Variants in COL25A1 observed in about 807,000 individuals in gnomAD.
The protein encoded by COL25A1 is collagen alpha-1(XXV) chain.
A neutral mutation model predicts 128.4 loss-of-function variants in COL25A1; 103 were observed. The ratio of observed to expected loss-of-function variants is 0.80; its 90% CI spans 0.68 to 0.94. The LOEUF is 0.94. Among genes scored for constraint, COL25A1 ranks in the 40% least tolerant of loss-of-function variants. COL25A1 has a pLI of 0.00. For missense variants in COL25A1, 745 were observed against 840.0 expected, an observed-to-expected ratio of 0.89 and a Z score of 1.40; for synonymous variants, 279 against 277.2, an observed-to-expected ratio of 1.01 and a Z score of -0.06.
At chr4:108,897,073 C>A (rs1742231113) in intron 15 of COL25A1, among the ~76,000 whole-genome samples, 1 of 152,144 alleles carries the variant, frequency 6.6e-6, no homozygotes, top group African/African-American at 2.4e-5. Context: ...CTTACCAATT[C>A]TGAGGCCTTC....
intron 3 of COL25A1, among the ~76,000 whole-genome samples, chr4:109,075,634 GA>G (rs1206103988): frequency 6.6e-6 from 1 of 151,816 alleles, no homozygotes; most frequent in Admixed American, 6.6e-5. Context: ...TATTAACATT[GA>G]AAAAATGTAG....
intron 35 of COL25A1, chr4:108,819,944 A>C (rs748258109): frequency 7.9e-5 from 72 of 915,592 alleles, no homozygotes; most frequent in Non-Finnish European, 1.0e-4. Context: ...TATTTGGGGG[A>C]AAATAACGGT....
intron 3 of COL25A1, among the ~76,000 whole-genome samples, chr4:109,096,810 T>C (rs1765436466): frequency 6.6e-6 from 1 of 152,208 alleles, no homozygotes; most frequent in Admixed American, 6.5e-5. Flanking sequence ...CAAATAGCTA[T>C]TTCCCCTCCC....
chr4:109,047,693 A>G (rs1235100447), intron 5 of COL25A1, among the ~76,000 whole-genome samples: 1 of 151,036 alleles, frequency 6.6e-6, no homozygotes, highest in Non-Finnish European at 1.5e-5. Flanking sequence ...AAAATTGTGT[A>G]TCTAAAAAAT....
intron 3 of COL25A1, among the ~76,000 whole-genome samples, chr4:109,201,967 C>T (rs1028388037): frequency 2.6e-5 from 4 of 152,116 alleles, no homozygotes; most frequent in African/African-American, 9.7e-5. Context: ...TGGTGAAAGA[C>T]ATCAAAGAAC....
At chr4:109,127,382 T>C (rs1264846472) in intron 3 of COL25A1, among the ~76,000 whole-genome samples, 3 of 152,098 alleles carry the variant, frequency 2.0e-5, no homozygotes, top group Non-Finnish European at 4.4e-5. Context: ...TGCAACAGTA[T>C]GCCAAAGTAG....
At chr4:108,995,719 A>C (rs1046961673) in intron 6 of COL25A1, among the ~76,000 whole-genome samples, 1 of 152,292 alleles carries the variant, frequency 6.6e-6, no homozygotes, top group South Asian at 2.1e-4. Flanking sequence ...AGCCAGAGAG[A>C]AAGGTCAGGT....
chr4:108,922,376 G>A (rs1199010732), intron 11 of COL25A1, among the ~76,000 whole-genome samples: 1 of 151,964 alleles, frequency 6.6e-6, no homozygotes, highest in Non-Finnish European at 1.5e-5. Context: ...ATAGAACAAG[G>A]GGTACATTGA....
At chr4:108,894,293 A>G (rs1245009342) in intron 16 of COL25A1, among the ~76,000 whole-genome samples, 1 of 152,194 alleles carries the variant, frequency 6.6e-6, no homozygotes, top group African/African-American at 2.4e-5. Flanking sequence ...AACTTTAAAA[A>G]GACATCTTTT....
At chr4:109,223,816 A>G (rs1200680305) in intron 3 of COL25A1, among the ~76,000 whole-genome samples, 1 of 152,176 alleles carries the variant, frequency 6.6e-6, no homozygotes, top group Non-Finnish European at 1.5e-5. Flanking sequence ...CTTTATTTCT[A>G]TTACTAAATA....
At chr4:109,108,365 A>C (rs10029473) in intron 3 of COL25A1, among the ~76,000 whole-genome samples, 31,654 of 151,220 alleles carry the variant, frequency 0.21, 3,906 homozygotes, top group East Asian at 0.38. Flanking sequence ...TGAACTCATC[A>C]TTTTTTATGG....
chr4:109,132,348 T>C (rs1769295571), intron 3 of COL25A1, among the ~76,000 whole-genome samples: 1 of 152,188 alleles, frequency 6.6e-6, no homozygotes, highest in Admixed American at 6.5e-5. Flanking sequence ...AAGAGGCTGC[T>C]TCCCATACGC....
chr4:108,842,519 A>G (rs1734566270), intron 30 of COL25A1, among the ~76,000 whole-genome samples: 1 of 152,222 alleles, frequency 6.6e-6, no homozygotes. Flanking sequence ...AGAAAGGAGT[A>G]TTTAAATATC....
At chr4:109,184,379 A>G (rs1405005082) in intron 3 of COL25A1, among the ~76,000 whole-genome samples, 3 of 152,152 alleles carry the variant, frequency 2.0e-5, no homozygotes, top group African/African-American at 7.2e-5. Flanking sequence ...TTATCTCTTC[A>G]TCATTTCCTG....
At chr4:109,273,129 G>A (rs1024289198) in intron 3 of COL25A1, among the ~76,000 whole-genome samples, 3 of 152,202 alleles carry the variant, frequency 2.0e-5, no homozygotes, top group African/African-American at 4.8e-5. Flanking sequence ...AAAGAGGTCC[G>A]ATGCCACAAA....
chr4:108,976,605 G>A (rs1752468505), intron 6 of COL25A1, among the ~76,000 whole-genome samples: 1 of 152,196 alleles, frequency 6.6e-6, no homozygotes, highest in Non-Finnish European at 1.5e-5. Flanking sequence ...TCCATTTTCA[G>A]CAGGGCTGAG....
At chr4:109,220,027 T>C (rs1441698668) in intron 3 of COL25A1, among the ~76,000 whole-genome samples, 4 of 152,196 alleles carry the variant, frequency 2.6e-5, no homozygotes, top group Admixed American at 1.3e-4. Flanking sequence ...GAAGATACCA[T>C]CTGTCATTTA....
intron 3 of COL25A1, among the ~76,000 whole-genome samples, chr4:109,066,231 G>A (rs1046772007): frequency 1.3e-5 from 2 of 152,096 alleles, no homozygotes; most frequent in African/African-American, 4.8e-5. Flanking sequence ...CTGGTTGTTG[G>A]TCAGTTTTAG....
At chr4:108,987,751 C>T (rs528513418) in intron 6 of COL25A1, among the ~76,000 whole-genome samples, 2 of 152,240 alleles carry the variant, frequency 1.3e-5, no homozygotes, top group African/African-American at 4.8e-5. Flanking sequence ...AAAAAAAAAC[C>T]ATAGACTTTT....
Sources: gnomAD v4.1 joint callset for allele counts (sites outside exome capture counted in the v4.1 genomes callset) on GRCh38, gnomAD v4.1.1 for gene constraint, MANE v1.5 for transcripts, NCBI Gene and HGNC (gene_info 2026-07-23, HGNC 2026-07-21) for gene names.